AUTS2: variants seen among roughly 807,000 people sequenced by gnomAD.
AUTS2 encodes the protein autism susceptibility gene 2 protein.
A neutral mutation model predicts 112.4 loss-of-function variants in AUTS2; 17 were observed. That is an observed-to-expected ratio of 0.15 (90% CI 0.10 to 0.23). AUTS2 has a LOEUF of 0.23. AUTS2 is among the 10% of genes least tolerant of loss of function. The pLI, the probability that AUTS2 is intolerant of heterozygous loss-of-function variation, is 1.00. For synonymous variants in AUTS2, 751 were observed against 702.7 expected, an observed-to-expected ratio of 1.07 and a Z score of -1.09; for missense variants, 1,510 against 1,701.6, an observed-to-expected ratio of 0.89 and a Z score of 1.98.
intron 5 of AUTS2, among the ~76,000 whole-genome samples, chr7:70,489,444 T>C (rs1184236129): frequency 6.6e-6 from 1 of 152,228 alleles, no homozygotes; most frequent in Non-Finnish European, 1.5e-5. Context: ...ATTTTCTGTG[T>C]AAAGGTATTG....
intron 5 of AUTS2, among the ~76,000 whole-genome samples, chr7:70,582,323 C>T (rs987695283): frequency 1.3e-5 from 2 of 152,186 alleles, no homozygotes; most frequent in African/African-American, 2.4e-5. Context: ...CCAACCCTTC[C>T]TTCCACGTCA....
intron 1 of AUTS2, among the ~76,000 whole-genome samples, chr7:69,669,135 A>G (rs1796200683): frequency 6.6e-6 from 1 of 152,216 alleles, no homozygotes; most frequent in South Asian, 2.1e-4. Context: ...ATTTTGCTAT[A>G]TACGTATGTT....
At chr7:70,015,754 G>A (rs993710943) in intron 2 of AUTS2, among the ~76,000 whole-genome samples, 2 of 151,826 alleles carry the variant, frequency 1.3e-5, no homozygotes, top group South Asian at 4.2e-4. Flanking sequence ...ATGGCTCAGG[G>A]AAATGTCTCT....
At chr7:69,627,242 C>T (rs1027309796) in intron 1 of AUTS2, among the ~76,000 whole-genome samples, 4 of 152,160 alleles carry the variant, frequency 2.6e-5, no homozygotes, top group Admixed American at 2.0e-4. Flanking sequence ...CCTGTAATCC[C>T]AGCACTTTGG....
intron 4 of AUTS2, among the ~76,000 whole-genome samples, chr7:70,227,876 G>A (rs1290611081): frequency 6.6e-6 from 1 of 152,086 alleles, no homozygotes. Flanking sequence ...GATGTACCAT[G>A]TGTGCTTAAA....
chr7:69,622,569 G>A (rs999817888), intron 1 of AUTS2, among the ~76,000 whole-genome samples: 1 of 152,154 alleles, frequency 6.6e-6, no homozygotes, highest in African/African-American at 2.4e-5. Flanking sequence ...TGAAAATAGG[G>A]AAAGGCTCCT....
chr7:70,632,609 G>A (rs1015533753), intron 5 of AUTS2, among the ~76,000 whole-genome samples: 1 of 151,896 alleles, frequency 6.6e-6, no homozygotes, highest in Non-Finnish European at 1.5e-5. Context: ...TGGCTCCCAC[G>A]TCTTCCCTGC....
chr7:70,489,851 CAAT>C (rs775693066), intron 5 of AUTS2, among the ~76,000 whole-genome samples: 3 of 152,148 alleles, frequency 2.0e-5, no homozygotes, highest in African/African-American at 7.2e-5. Context: ...AAATCAACAA[CAAT>C]GAGATACCCA....
intron 4 of AUTS2, among the ~76,000 whole-genome samples, chr7:70,274,404 C>T (rs774540631): frequency 2.0e-5 from 3 of 152,042 alleles, no homozygotes; most frequent in Non-Finnish European, 2.9e-5. Flanking sequence ...AAGCGATCCT[C>T]CCACCTCAGC....
chr7:70,340,691 C>T (rs1193112516), intron 4 of AUTS2, among the ~76,000 whole-genome samples: 3 of 152,144 alleles, frequency 2.0e-5, no homozygotes, highest in African/African-American at 7.2e-5. Context: ...GAATCTTTGC[C>T]TTCTTGAAAA....
At chr7:70,397,735 T>G (rs1794152433) in intron 4 of AUTS2, among the ~76,000 whole-genome samples, 1 of 152,160 alleles carries the variant, frequency 6.6e-6, no homozygotes, top group Admixed American at 6.5e-5. Flanking sequence ...CTTAACAGTA[T>G]CTTTCAAGGA....
At chr7:69,865,103 GT>G (rs796779159) in intron 1 of AUTS2, among the ~76,000 whole-genome samples, 1,528 of 139,778 alleles carry the variant, frequency 0.011, 17 homozygotes, top group East Asian at 0.041. Flanking sequence ...AGGATGGTAG[GT>G]TTTTTTTTTT....
chr7:70,563,600 G>GAA (rs1355152890), intron 5 of AUTS2, among the ~76,000 whole-genome samples: 5 of 152,196 alleles, frequency 3.3e-5, no homozygotes, highest in Non-Finnish European at 7.3e-5. Context: ...AGAATGAGGA[G>GAA]AAGAGCCTCA....
chr7:70,287,327 G>GC (rs1177359427), intron 4 of AUTS2, among the ~76,000 whole-genome samples: 2 of 152,122 alleles, frequency 1.3e-5, no homozygotes, highest in African/African-American at 4.8e-5. Context: ...GTGGTCCTTG[G>GC]CCCAGAGTTT....
intron 5 of AUTS2, among the ~76,000 whole-genome samples, chr7:70,440,250 T>G (rs925642042): frequency 8.0e-6 from 1 of 125,448 alleles, no homozygotes; most frequent in Non-Finnish European, 1.7e-5. Flanking sequence ...AAAAAAAAAA[T>G]CTTAAAACTT....
intron 5 of AUTS2, among the ~76,000 whole-genome samples, chr7:70,463,395 G>A (rs1431950237): frequency 6.6e-6 from 1 of 152,176 alleles, no homozygotes; most frequent in Non-Finnish European, 1.5e-5. Context: ...TAACATGAGA[G>A]GGAGTTTCAT....
chr7:70,061,337 G>T (rs963501439), intron 2 of AUTS2, among the ~76,000 whole-genome samples: 1 of 152,162 alleles, frequency 6.6e-6, no homozygotes, highest in African/African-American at 2.4e-5. Context: ...GAAAACAGCC[G>T]CATTCCTGAT....
intron 5 of AUTS2, among the ~76,000 whole-genome samples, chr7:70,463,980 C>A (rs963198247): frequency 6.6e-6 from 1 of 152,174 alleles, no homozygotes; most frequent in African/African-American, 2.4e-5. Context: ...CAATGTTCAA[C>A]AAATCTGTAG....
intron 5 of AUTS2, among the ~76,000 whole-genome samples, chr7:70,611,935 T>C (rs924383909): frequency 4.6e-5 from 7 of 152,236 alleles, no homozygotes; most frequent in African/African-American, 1.7e-4. Context: ...GTAGTCATAG[T>C]TTCTACAAAG....
Sources: gnomAD v4.1 joint callset for allele counts (sites outside exome capture counted in the v4.1 genomes callset) on GRCh38, gnomAD v4.1.1 for gene constraint, MANE v1.5 for transcripts, NCBI Gene and HGNC (gene_info 2026-07-23, HGNC 2026-07-21) for gene names.